The following WWP2 variants were observed in gnomAD, a reference collection of about 807,000 sequenced individuals.
WWP2 encodes NEDD4-like E3 ubiquitin-protein ligase WWP2.
In WWP2, 57 loss-of-function variants were observed where a neutral mutation model predicts 121.0. The observed-to-expected ratio is 0.47, with a 90% CI of 0.38 to 0.59. The LOEUF is 0.59. Ranked by LOEUF, WWP2 falls within the 20% of genes least tolerant of loss-of-function variation. The pLI is 0.00. For missense variants in WWP2, 962 were observed against 1,158.9 expected (o/e 0.83, Z 2.47); for synonymous variants, 449 against 441.3 (o/e 1.02, Z -0.22).
At position 69,784,091 on chromosome 16, in the gene WWP2, C is replaced by CT. The variant is rs61650147; in HGVS notation, c.-15-2880dup. 4.6e-3 allele frequency among the ~76,000 whole-genome samples: 282 copies of CT among 60,746 alleles called. 1 individual carries two copies. Among genetic ancestry groups the CT allele is most frequent in the East Asian group, 0.014 (29 of 2,108 alleles). The allele number at this position is 60,746 out of a possible 152,430, so 39.9% of individuals were successfully genotyped here. Reference sequence around the variant, plus strand: ...CTCTTTTCTTTTTCTTTCTTTCTTTCTTTTTTTTTTTTTTTTTTTTTTTTT... The same window carrying CT: ...CTCTTTTCTTTTTCTTTCTTTCTTTCTTTTTTTTTTTTTTTTTTTTTTTTTT... On this transcript the variant is annotated intron_variant, in intron 1 of 23. Transcript: ENST00000359154.
chr16:69,881,845 C>T (rs911747090), intron 7 of WWP2, among the ~76,000 whole-genome samples: 1 of 152,216 alleles, frequency 6.6e-6, no homozygotes, highest in Admixed American at 6.5e-5. Flanking sequence ...GCACACGCCA[C>T]CACACCCAGC....
At chr16:69,906,547 A>G (rs528085110) in intron 8 of WWP2, among the ~76,000 whole-genome samples, 1 of 152,366 alleles carries the variant, frequency 6.6e-6, no homozygotes, top group East Asian at 1.9e-4. Flanking sequence ...TAGCTCTGCT[A>G]TAACATATGT....
chr16:69,896,762 C>T (rs1418620781), intron 8 of WWP2, among the ~76,000 whole-genome samples: 1 of 151,046 alleles, frequency 6.6e-6, no homozygotes, highest in Non-Finnish European at 1.5e-5. Flanking sequence ...ACTACAGCTA[C>T]CATGTATTCT....
chr16:69,822,721 G>C (rs1052038293), intron 4 of WWP2, among the ~76,000 whole-genome samples: 2 of 152,204 alleles, frequency 1.3e-5, no homozygotes, highest in African/African-American at 4.8e-5. Flanking sequence ...GCTGGTTGCT[G>C]TCAAGTCACA....
At chr16:69,873,552 A>G (rs1474223704) in intron 7 of WWP2, among the ~76,000 whole-genome samples, 1 of 152,236 alleles carries the variant, frequency 6.6e-6, no homozygotes, top group African/African-American at 2.4e-5. Context: ...GTGCTGGAAC[A>G]TCCGGTGGTA....
intron 6 of WWP2, among the ~76,000 whole-genome samples, chr16:69,846,658 T>G (rs577358182): frequency 6.6e-6 from 1 of 151,622 alleles, no homozygotes; most frequent in East Asian, 1.9e-4. Flanking sequence ...GAGGTGGAGG[T>G]TGCAGTGAGC....
At chr16:69,817,659 CTTTTTTTTTTTTT>C (rs200998762) in intron 4 of WWP2, among the ~76,000 whole-genome samples, 86 of 119,950 alleles carry the variant, frequency 7.2e-4, no homozygotes, top group Admixed American at 1.1e-3. Flanking sequence ...TTGTTAAACT[CTTTTTTTTTTTTT>C]TTTTTTTTTT....
chr16:69,839,931 G>A (rs1196822120), intron 4 of WWP2, among the ~76,000 whole-genome samples, 195 bp from the exon 5 acceptor site: 1 of 152,200 alleles, frequency 6.6e-6, no homozygotes, highest in Non-Finnish European at 1.5e-5. Flanking sequence ...TTCCCCTCCA[G>A]CCTGATACAA....
At chr16:69,888,496 A>G (rs1359872738) in intron 8 of WWP2, among the ~76,000 whole-genome samples, 1 of 152,194 alleles carries the variant, frequency 6.6e-6, no homozygotes, top group Non-Finnish European at 1.5e-5. Context: ...GCTTGACTCA[A>G]AGAGTGTGGC....
intron 6 of WWP2, among the ~76,000 whole-genome samples, chr16:69,850,858 A>G (rs1458067350): frequency 1.3e-5 from 2 of 151,964 alleles, no homozygotes; most frequent in Non-Finnish European, 2.9e-5. Flanking sequence ...TGTTTTTTTT[A>G]GAGCACTTTT....
At chr16:69,784,923 G>GTT (rs879492533) in intron 1 of WWP2, among the ~76,000 whole-genome samples, 3 of 144,356 alleles carry the variant, frequency 2.1e-5, no homozygotes, top group African/African-American at 5.1e-5. Context: ...TAAAATATGA[G>GTT]TTTTTTTTTT....
intron 1 of WWP2, among the ~76,000 whole-genome samples, chr16:69,781,251 G>C (rs2055658028): frequency 6.6e-6 from 1 of 152,142 alleles, no homozygotes; most frequent in African/African-American, 2.4e-5. Context: ...CTGGGGAGCA[G>C]GAAGTGGGCC....
At chr16:69,767,245 T>C (rs1314136778) in intron 1 of WWP2, among the ~76,000 whole-genome samples, 2 of 152,182 alleles carry the variant, frequency 1.3e-5, no homozygotes, top group African/African-American at 4.8e-5. Flanking sequence ...GAAATATGTA[T>C]TGGTTTTTTC....
chr16:69,876,102 C>A (rs1211855400), intron 7 of WWP2, among the ~76,000 whole-genome samples: 1 of 152,108 alleles, frequency 6.6e-6, no homozygotes, highest in African/African-American at 2.4e-5. Flanking sequence ...GGATTATAGG[C>A]ATGCACCACC....
chr16:69,902,231 G>T (rs752125261), intron 8 of WWP2, among the ~76,000 whole-genome samples: 3 of 152,176 alleles, frequency 2.0e-5, no homozygotes, highest in African/African-American at 4.8e-5. Flanking sequence ...GAGAGATGCT[G>T]ATGTCATTCT....
At chr16:69,860,665 C>G (rs2057400495) in intron 6 of WWP2, among the ~76,000 whole-genome samples, 5 of 152,046 alleles carry the variant, frequency 3.3e-5, no homozygotes, top group Admixed American at 3.3e-4. Flanking sequence ...TTGGAGCCTG[C>G]CTCCGTCCTG....
At chr16:69,920,368 A>G (rs1474640033) in intron 10 of WWP2, among the ~76,000 whole-genome samples, 2 of 152,068 alleles carry the variant, frequency 1.3e-5, no homozygotes, top group African/African-American at 2.4e-5. Context: ...CCTGCCACAC[A>G]TGCCTGACAT....
chr16:69,819,255 A>C (rs1178031338), intron 4 of WWP2, among the ~76,000 whole-genome samples: 2 of 152,202 alleles, frequency 1.3e-5, no homozygotes, highest in Admixed American at 6.5e-5. Flanking sequence ...TTCTGAATGC[A>C]GCAGCCAGAA....
intron 10 of WWP2, among the ~76,000 whole-genome samples, chr16:69,922,248 TA>T (rs746561740): frequency 4.7e-3 from 670 of 142,638 alleles, no homozygotes; most frequent in Middle Eastern, 0.011. Flanking sequence ...GGTGCATCCT[TA>T]AAAAAAAAAA....
Sources: allele counts gnomAD v4.1 joint callset (sites outside exome capture counted in the v4.1 genomes callset), GRCh38; gene constraint gnomAD v4.1.1; transcripts MANE v1.5; gene names NCBI Gene and HGNC (gene_info 2026-07-23, HGNC 2026-07-21).